Variants in SMOC2 observed in about 807,000 individuals in gnomAD.
SMOC2 encodes SPARC related modular calcium binding 2, also known as SPARC-related modular calcium-binding protein 2.
In SMOC2, 39 loss-of-function variants were observed where a neutral mutation model predicts 61.4. The ratio of observed to expected loss-of-function variants is 0.64; its 90% CI spans 0.49 to 0.83. SMOC2 has a LOEUF of 0.83. Among genes scored for constraint, SMOC2 ranks in the 40% least tolerant of loss-of-function variants. SMOC2 has a pLI of 0.00. For missense variants in SMOC2, 556 were observed against 592.9 expected (o/e 0.94, Z 0.65); for synonymous variants, 247 against 239.9 (o/e 1.03, Z -0.27).
At position 168,619,928 on chromosome 6, in the gene SMOC2, A is replaced by C. The variant is rs73242436; in HGVS notation, c.907+11689A>C. On this transcript the variant is annotated intron_variant, in intron 9 of 12. Coordinates refer to ENST00000356284, the MANE Select transcript of SMOC2 (RefSeq NM_001166412.2). ...GGCCCTTTTACTCTACGTACCAGTCATGGTCACTGTGCTCCGGCAGGCCGT... is the reference window on the plus strand; with the variant it reads ...GGCCCTTTTACTCTACGTACCAGTCCTGGTCACTGTGCTCCGGCAGGCCGT... Among the ~76,000 whole-genome samples the C allele has an allele frequency of 8.0e-3, 1,224 of 152,302 alleles. 22 individuals carry two copies. Among genetic ancestry groups the C allele is most frequent in the African/African-American group, 0.028 (1,157 of 41,568 alleles).
At chr6:168,529,961 A>T (rs538273208) in intron 4 of SMOC2, among the ~76,000 whole-genome samples, 4 of 152,264 alleles carry the variant, frequency 2.6e-5, no homozygotes, top group African/African-American at 9.6e-5. Flanking sequence ...CAGAATGGCT[A>T]ATCTGCAGTA....
rs183368835 is a variant in SMOC2 at position 168,655,528 on chromosome 6, G to A, written c.1285+2300G>A. 6.6e-4 allele frequency: 275 copies of A among 417,344 alleles called. 2 individuals carry two copies. The highest frequency in any genetic ancestry group is 3.9e-4 in the Admixed American group (15 of 38,376). 25.9% of individuals were successfully genotyped at this position (417,344 alleles called of 1,614,324 possible). On this transcript the variant is annotated intron_variant, in intron 11 of 12. Coordinates refer to ENST00000356284, the MANE Select transcript of SMOC2 (RefSeq NM_001166412.2). ...CATGCCCTGATCCCACTGCACATGC[G>A]TGCTAGATACTCCTGCATGTGTGTG...
intron 1 of SMOC2, among the ~76,000 whole-genome samples, chr6:168,498,576 G>A (rs1030640435): frequency 1.3e-5 from 2 of 152,236 alleles, no homozygotes; most frequent in African/African-American, 4.8e-5. Flanking sequence ...TAGGGGAGCC[G>A]CTCTTTTCTG....
At chr6:168,529,414 C>G (rs766908020) in intron 4 of SMOC2, among the ~76,000 whole-genome samples, 1 of 152,184 alleles carries the variant, frequency 6.6e-6, no homozygotes, top group Non-Finnish European at 1.5e-5. Context: ...GCAGTGTTTC[C>G]ACGTCGGGGC....
chr6:168,602,807 G>A (rs980242825), intron 8 of SMOC2, among the ~76,000 whole-genome samples: 4 of 152,320 alleles, frequency 2.6e-5, no homozygotes, highest in African/African-American at 7.2e-5. Flanking sequence ...TCAGGGTGCC[G>A]GCACAGGCCT....
At chr6:168,613,425 A>C (rs9364473) in intron 9 of SMOC2, among the ~76,000 whole-genome samples, 136,888 of 152,204 alleles carry the variant, frequency 0.9, 61,634 homozygotes, top group Middle Eastern at 0.99. Context: ...ACTGCCCTGT[A>C]CCCCAAGCCA....
At chr6:168,542,751 T>G (rs1479710845) in intron 4 of SMOC2, among the ~76,000 whole-genome samples, 1 of 152,190 alleles carries the variant, frequency 6.6e-6, no homozygotes, top group Non-Finnish European at 1.5e-5. Context: ...TCCTGCCACA[T>G]TACTATTGCA....
rs371187011 is a variant in SMOC2 at position 168,452,754 on chromosome 6, G to A, written c.84+11300G>A. 6.6e-6 allele frequency among the ~76,000 whole-genome samples: 1 copy of A among 152,012 alleles called. No individual in the cohort carries two copies. Among genetic ancestry groups the A allele is most frequent in the African/African-American group, 2.4e-5 (1 of 41,382 alleles). Reference sequence around the variant, plus strand: ...CTCATTTCTACTACCTTTTAATTTCGTTTTGTTTTGTTAAATTCCAAACAT... The same window carrying A: ...CTCATTTCTACTACCTTTTAATTTCATTTTGTTTTGTTAAATTCCAAACAT... On this transcript the variant is annotated intron_variant, in intron 1 of 12. Coordinates refer to ENST00000356284, the MANE Select transcript of SMOC2 (RefSeq NM_001166412.2). The surrounding 1 kb of genome is among the most constrained non-coding windows in gnomAD (Gnocchi z 5.0).
chr6:168,644,880 C>A (rs1381323955), intron 9 of SMOC2, among the ~76,000 whole-genome samples: 1 of 151,984 alleles, frequency 6.6e-6, no homozygotes, highest in Non-Finnish European at 1.5e-5. Context: ...AAACTCCTGA[C>A]CTCAAGTGAT....
At chr6:168,574,478 C>CAA (rs1784749934) in intron 7 of SMOC2, among the ~76,000 whole-genome samples, 2 of 152,198 alleles carry the variant, frequency 1.3e-5, no homozygotes, top group Non-Finnish European at 2.9e-5. Context: ...TCCCGCCGGG[C>CAA]CTTGGGGAGT....
Position 168,558,269 on chromosome 6 carries a change from G to C in SMOC2, c.637+9066G>C, listed in dbSNP as rs139963491. On this transcript the variant is annotated intron_variant, in intron 7 of 12. Transcript: ENST00000356284. ...GAGGGATCATGTCAGGCATGGGGAG[G>C]AGACGGGAGAGTGGTTGGTGTCATG... Among the ~76,000 whole-genome samples, 8 of 152,338 alleles carry C rather than the reference G, an allele frequency of 5.3e-5. No individual in the cohort carries two copies. The East Asian group carries it at 1.5e-3, about 29-fold the overall frequency.
intron 1 of SMOC2, among the ~76,000 whole-genome samples, chr6:168,472,348 A>G (rs1053652279): frequency 3.3e-5 from 5 of 151,274 alleles, no homozygotes; most frequent in Admixed American, 3.3e-4. Flanking sequence ...ACTGAAAATC[A>G]TTTGCCTGTA....
intron 7 of SMOC2, among the ~76,000 whole-genome samples, chr6:168,596,464 A>G (rs1178082489): frequency 1.4e-5 from 2 of 141,624 alleles, no homozygotes; most frequent in Non-Finnish European, 3.0e-5. Flanking sequence ...CCACGTGAAC[A>G]CGGCAGTGCT....
chr6:168,563,240 C>A (rs559260209), intron 7 of SMOC2, among the ~76,000 whole-genome samples: 75 of 152,326 alleles, frequency 4.9e-4, no homozygotes, highest in African/African-American at 1.7e-3. Flanking sequence ...CTTAAGCACA[C>A]ACGTGCATTC....
rs1197108970 is a variant in SMOC2, at chr6:168,453,526, CTG to C, written c.84+12074_84+12075del. 6.6e-6 allele frequency among the ~76,000 whole-genome samples: 1 copy of C among 151,886 alleles called. No homozygotes were observed. Among genetic ancestry groups the C allele is most frequent in the Non-Finnish European group, 1.5e-5 (1 of 67,998 alleles). ...CTCTTTTTTGTCTCTCTGTCTCTCTCTGTCTCTTTGTCTCTCTCTGTACCTGT... is the reference window on the plus strand; with the variant it reads ...CTCTTTTTTGTCTCTCTGTCTCTCTCTCTCTTTGTCTCTCTCTGTACCTGT... On this transcript the variant is annotated intron_variant, in intron 1 of 12. Coordinates refer to ENST00000356284, the MANE Select transcript of SMOC2 (RefSeq NM_001166412.2). The surrounding 1 kb of genome is among the most constrained non-coding windows in gnomAD (Gnocchi z 4.4).
At chr6:168,484,519 G>A (rs1479652238) in intron 1 of SMOC2, among the ~76,000 whole-genome samples, 1 of 152,142 alleles carries the variant, frequency 6.6e-6, no homozygotes, top group Admixed American at 6.5e-5. Context: ...AAGCTGCTGT[G>A]GAAAACAGTA....
At chr6:168,474,117 T>A (rs1271554675) in intron 1 of SMOC2, among the ~76,000 whole-genome samples, 1 of 152,120 alleles carries the variant, frequency 6.6e-6, no homozygotes, top group Admixed American at 6.5e-5. Context: ...CATTGATGGA[T>A]TGCTTCATTC....
intron 1 of SMOC2, among the ~76,000 whole-genome samples, chr6:168,441,824 C>G (rs1452363308): frequency 6.6e-6 from 1 of 152,144 alleles, no homozygotes; most frequent in African/African-American, 2.4e-5. Flanking sequence ...TCGGGTGTCC[C>G]GCACTCACTG....
At chr6:168,663,106 A>G (rs1252114038) in intron 11 of SMOC2, among the ~76,000 whole-genome samples, 1 of 72,268 alleles carries the variant, frequency 1.4e-5, no homozygotes, top group Non-Finnish European at 2.7e-5. Context: ...GGAAATAGAG[A>G]GTATTTAAAA....
Sources: gnomAD v4.1 joint callset for allele counts (sites outside exome capture counted in the v4.1 genomes callset) on GRCh38, gnomAD v4.1.1 for gene constraint, Gnocchi (gnomAD v3.1) non-coding constraint, MANE v1.5 for transcripts, NCBI Gene and HGNC (gene_info 2026-07-23, HGNC 2026-07-21) for gene names.